The following LHX4 variants were observed in gnomAD, a reference collection of about 807,000 sequenced individuals.
The protein encoded by LHX4 is LIM/homeobox protein Lhx4.
A neutral mutation model predicts 39.2 loss-of-function variants in LHX4; 16 were observed. The ratio of observed to expected loss-of-function variants is 0.41; its 90% confidence interval spans 0.28 to 0.62. The LOEUF is 0.62. Ranked by LOEUF, LHX4 falls within the 20% of genes least tolerant of loss-of-function variation. The pLI is 0.33. For synonymous variants in LHX4, 206 were observed against 198.1 expected (o/e 1.04, Z -0.33); for missense variants, 439 against 511.9 (o/e 0.86, Z 1.37).
intron 1 of LHX4, among the ~76,000 whole-genome samples, chr1:180,235,925 G>T (rs1367509370): frequency 6.6e-6 from 1 of 152,168 alleles, no homozygotes; most frequent in Non-Finnish European, 1.5e-5. Flanking sequence ...CTTTTAAAGA[G>T]ATCCGAAGGG....
At chr1:180,240,066 GAAGGCAGTTAAAAAGCA>G (rs1398054596) in intron 1 of LHX4, among the ~76,000 whole-genome samples, 15 of 152,214 alleles carry the variant, frequency 9.9e-5, no homozygotes, top group African/African-American at 3.6e-4. Context: ...ACTTCATCCA[GAAGGCAGTTAAAAAGCA>G]AAGGGAGTTA....
chr1:180,229,025 C>A (rs534403771), upstream of LHX4, among the ~76,000 whole-genome samples: 1 of 152,326 alleles, frequency 6.6e-6, no homozygotes, highest in East Asian at 1.9e-4. Flanking sequence ...AGGCGTCGAG[C>A]GCCTGATGGA....
At chr1:180,231,730 G>C (rs1048918204) in intron 1 of LHX4, among the ~76,000 whole-genome samples, 2 of 151,978 alleles carry the variant, frequency 1.3e-5, no homozygotes, top group African/African-American at 4.8e-5. Flanking sequence ...TACATCTTCG[G>C]GGTTTACTTT....
At position 180,274,125 on chromosome 1, in the gene LHX4, G is replaced by T. The variant is rs868452153; in HGVS notation, c.779-60G>T. On this transcript the variant is annotated intron_variant, in intron 5 of 5. Coordinates refer to ENST00000263726, the MANE Select transcript of LHX4 (RefSeq NM_033343.4). ...GTCATGTGTGTTCCTAGGTTGTGAAGAGCAGGGGACCATCAGAGTCCTGGC... is the reference window on the plus strand; with the variant it reads ...GTCATGTGTGTTCCTAGGTTGTGAATAGCAGGGGACCATCAGAGTCCTGGC... 66 of 1,602,466 alleles carry T rather than the reference G, an allele frequency of 4.1e-5. No individual in the cohort carries two copies. The African/African-American group carries it at 7.5e-4, about 18-fold the overall frequency.
intron 1 of LHX4, among the ~76,000 whole-genome samples, chr1:180,246,613 A>T (rs1647392733): frequency 6.6e-6 from 1 of 152,226 alleles, no homozygotes; most frequent in Non-Finnish European, 1.5e-5. Context: ...CAGGAGGCTG[A>T]GGCAAGAGAA....
At chr1:180,255,792 C>G (rs1338397829) in intron 2 of LHX4, among the ~76,000 whole-genome samples, 1 of 152,260 alleles carries the variant, frequency 6.6e-6, no homozygotes, top group African/African-American at 2.4e-5. Context: ...CGAGTGGGGC[C>G]TGGGGTGAAG....
intron 2 of LHX4, among the ~76,000 whole-genome samples, chr1:180,264,265 C>T (rs1648221504): frequency 3.3e-5 from 5 of 152,182 alleles, no homozygotes; most frequent in Non-Finnish European, 7.3e-5. Flanking sequence ...TGTTTCATTT[C>T]AGTACCTGCT....
At chr1:180,231,451 G>A (rs1664176150) in intron 1 of LHX4, among the ~76,000 whole-genome samples, 1 of 151,650 alleles carries the variant, frequency 6.6e-6, no homozygotes, top group Admixed American at 6.6e-5. Context: ...ATGGGTGTGC[G>A]CGCGCAGAGA....
intron 1 of LHX4, among the ~76,000 whole-genome samples, chr1:180,245,190 C>G (rs1248544128): frequency 6.6e-6 from 1 of 152,228 alleles, no homozygotes; most frequent in African/African-American, 2.4e-5. Context: ...CGCAAGGGCA[C>G]TGAACTCAGC....
chr1:180,260,769 G>A (rs1199863688), intron 2 of LHX4, among the ~76,000 whole-genome samples: 1 of 151,836 alleles, frequency 6.6e-6, no homozygotes, highest in African/African-American at 2.4e-5. Context: ...AGGGGGACAG[G>A]CCCTCTCCTC....
At chr1:180,238,304 C>T (rs568063602) in intron 1 of LHX4, among the ~76,000 whole-genome samples, 49 of 152,214 alleles carry the variant, frequency 3.2e-4, no homozygotes, top group East Asian at 7.7e-4. Flanking sequence ...GGAAGGATTC[C>T]GGAAAGCAAG....
intron 3 of LHX4, among the ~76,000 whole-genome samples, chr1:180,267,507 CCTCTGGCTTCTCA>C (rs1648371930): frequency 1.3e-5 from 2 of 152,262 alleles, no homozygotes; most frequent in Non-Finnish European, 2.9e-5. Context: ...TGCAGCCCTA[CCTCTGGCTTCTCA>C]CTCCCAGATG....
rs1002980346 is a variant in LHX4, at chr1:180,277,491, T to C, written c.*2912T>C. 10 of 152,246 alleles carry C rather than the reference T, an allele frequency of 6.6e-5. No individual in the cohort carries two copies. Among genetic ancestry groups the C allele is most frequent in the Admixed American group, 2.0e-4 (3 of 15,302 alleles). The allele number at this position is 152,246 out of a possible 1,614,324, so 9.4% of individuals were successfully genotyped here. A position where few individuals can be genotyped will look rare whatever the true frequency, so the allele number is the denominator to read the frequency against. On this transcript the variant is annotated 3_prime_UTR_variant, in exon 6 of 6. Transcript: ENST00000263726. ...GAAGCTCTTGAATCCAGGAGCAAATTAGTTAAAACCCCAAGTTCCAGTGGT... is the reference window on the plus strand; with the variant it reads ...GAAGCTCTTGAATCCAGGAGCAAATCAGTTAAAACCCCAAGTTCCAGTGGT...
chr1:180,268,292 G>A (rs544095342), intron 3 of LHX4, among the ~76,000 whole-genome samples: 2 of 152,182 alleles, frequency 1.3e-5, no homozygotes, highest in Admixed American at 6.5e-5. Flanking sequence ...CTCATCAGAG[G>A]CCTCATTTGG....
rs1389328209 is a variant in LHX4 at position 180,234,220 on chromosome 1, T to TATATATATATATATAA, written c.76+3616_76+3617insTATATATATATATAAA. The stretch of plus-strand genomic sequence containing the variant: ...ATATATATATATATATATATATATA[T>TATATATATATATATAA]AATAGATTGAGATTCTATCATATTC... On this transcript the variant is annotated intron_variant, in intron 1 of 5. Coordinates refer to ENST00000263726, the MANE Select transcript of LHX4 (RefSeq NM_033343.4). This position sits in a 1 kb window ranked among gnomAD's most constrained non-coding sequence, Gnocchi z 4.8. Among the ~76,000 whole-genome samples the TATATATATATATATAA allele has an allele frequency of 4.3e-5, 3 of 70,206 alleles. No individual in the cohort carries two copies. Among genetic ancestry groups the TATATATATATATATAA allele is most frequent in the South Asian group, 7.4e-4 (1 of 1,354 alleles). The allele number at this position is 70,206 out of a possible 152,430, so 46.1% of individuals were successfully genotyped here. A position where few individuals can be genotyped will look rare whatever the true frequency, so the allele number is the denominator to read the frequency against.
At chr1:180,260,425 C>T (rs1246606283) in intron 2 of LHX4, among the ~76,000 whole-genome samples, 1 of 151,710 alleles carries the variant, frequency 6.6e-6, no homozygotes, top group Non-Finnish European at 1.5e-5. Context: ...GACCCTCAAG[C>T]CTGTCTTGCA....
At chr1:180,259,689 G>T (rs952494821) in intron 2 of LHX4, among the ~76,000 whole-genome samples, 4 of 151,766 alleles carry the variant, frequency 2.6e-5, no homozygotes, top group Non-Finnish European at 4.4e-5. Context: ...CCGTGCTGGG[G>T]TGGGGCAGGC....
intron 3 of LHX4, among the ~76,000 whole-genome samples, chr1:180,267,003 T>TG (rs1648346242): frequency 2.0e-5 from 3 of 152,114 alleles, no homozygotes; most frequent in Non-Finnish European, 4.4e-5. Flanking sequence ...CACATGGACC[T>TG]CTCAGCAGCC....
chr1:180,261,830 G>A (rs765715839), intron 2 of LHX4, among the ~76,000 whole-genome samples: 4 of 152,172 alleles, frequency 2.6e-5, no homozygotes, highest in Non-Finnish European at 4.4e-5. Flanking sequence ...CTGCCAACCA[G>A]GACTGATGAT....
Sources: allele counts gnomAD v4.1 joint callset (sites outside exome capture counted in the v4.1 genomes callset), GRCh38; gene constraint gnomAD v4.1.1; non-coding constraint Gnocchi (gnomAD v3.1); transcripts MANE v1.5; gene names NCBI Gene and HGNC (gene_info 2026-07-23, HGNC 2026-07-21).